Variants in FANCC observed in about 807,000 individuals in gnomAD.
FANCC encodes FA complementation group C, also known as Fanconi anemia group C protein.
A neutral mutation model predicts 71.3 loss-of-function variants in FANCC; 55 were observed. That is an observed-to-expected ratio of 0.77 (90% CI 0.62 to 0.97). The LOEUF is 0.97. FANCC is among the 50% of genes least tolerant of loss of function. The pLI, the probability that FANCC is intolerant of heterozygous loss-of-function variation, is 0.00. For synonymous variants in FANCC, 275 were observed against 244.9 expected (o/e 1.12, Z -1.15); for missense variants, 678 against 670.9 (o/e 1.01, Z -0.12).
intron 1 of FANCC, among the ~76,000 whole-genome samples, chr9:95,310,930 T>C (rs1174621746): frequency 6.6e-6 from 1 of 152,190 alleles, no homozygotes; most frequent in Non-Finnish European, 1.5e-5. Context: ...TCATTATGCA[T>C]AACCACAAAT....
At chr9:95,265,656 G>A (rs553770215) in intron 1 of FANCC, among the ~76,000 whole-genome samples, 7 of 152,294 alleles carry the variant, frequency 4.6e-5, no homozygotes, top group Non-Finnish European at 8.8e-5. Flanking sequence ...GAACACATTA[G>A]TTATTAAAAT....
At chr9:95,117,952 C>A (rs1046660954) in intron 10 of FANCC, among the ~76,000 whole-genome samples, 2 of 151,856 alleles carry the variant, frequency 1.3e-5, no homozygotes, top group African/African-American at 4.8e-5. Flanking sequence ...GAACTCCCGA[C>A]CTCAGGTGAT....
chr9:95,146,540 T>C (rs767716996), intron 7 of FANCC, among the ~76,000 whole-genome samples: 13 of 129,232 alleles, frequency 1.0e-4, no homozygotes, highest in Non-Finnish European at 2.2e-4. Flanking sequence ...ATTAATAAAA[T>C]GATTTAAAAA....
chr9:95,289,687 G>A (rs1259951698), intron 1 of FANCC, among the ~76,000 whole-genome samples: 1 of 152,114 alleles, frequency 6.6e-6, no homozygotes, highest in African/African-American at 2.4e-5. Context: ...GTCTTGCTCT[G>A]TCACCCAGGC....
At chr9:95,208,862 A>G (rs2135858182) in intron 4 of FANCC, among the ~76,000 whole-genome samples, 1 of 152,294 alleles carries the variant, frequency 6.6e-6, no homozygotes, top group African/African-American at 2.4e-5. Flanking sequence ...TACCCTTACC[A>G]TATTCTCCAC....
At chr9:95,245,312 A>G (rs1272274965) in intron 3 of FANCC, among the ~76,000 whole-genome samples, 4 of 152,080 alleles carry the variant, frequency 2.6e-5, no homozygotes, top group African/African-American at 9.7e-5. Context: ...TTCACTATGA[A>G]CAGCATAGTG....
intron 12 of FANCC, among the ~76,000 whole-genome samples, chr9:95,113,208 T>C (rs565338529): frequency 4.6e-5 from 7 of 152,250 alleles, no homozygotes; most frequent in South Asian, 2.1e-4. Flanking sequence ...GTAAGAATCA[T>C]GGTGAGGAAG....
chr9:95,244,700 A>C (rs1830845916), intron 3 of FANCC, among the ~76,000 whole-genome samples: 3 of 149,574 alleles, frequency 2.0e-5, no homozygotes, highest in Non-Finnish European at 4.5e-5. Context: ...AAAAAAAAAA[A>C]AAAAAAAAAA....
In FANCC at chr9:95,126,547, A is replaced by T; in HGVS notation, c.878T>A (p.Val293Asp). The T allele has an allele frequency of 6.2e-7, 1 of 1,614,056 alleles. No homozygotes were observed. The highest frequency in any genetic ancestry group is 1.1e-5 in the South Asian group (1 of 91,080). The change falls in exon 9 of 15, where the codon GTT becomes GAT. Residue 293 changes from valine to aspartate, a missense_variant. Coordinates refer to ENST00000289081, the MANE Select transcript of FANCC (RefSeq NM_000136.3). ...QAACHPAIFR[V>D]VDEMFRCALL... is the part of the protein sequence containing the mutation. ...CGTTTACCTGAACATCTCATCAACA[A>T]CCCGGAATATGGCAGGGTGGCAGGC...
chr9:95,203,176 C>A (rs1827902461), intron 4 of FANCC, among the ~76,000 whole-genome samples: 2 of 152,142 alleles, frequency 1.3e-5, no homozygotes, highest in Admixed American at 1.3e-4. Flanking sequence ...GTGGGCAGAT[C>A]ACTTGAGCTC....
intron 4 of FANCC, among the ~76,000 whole-genome samples, chr9:95,180,431 G>A (rs1056360294): frequency 4.2e-5 from 6 of 144,054 alleles, no homozygotes; most frequent in African/African-American, 7.7e-5. Flanking sequence ...CTTTCAACTC[G>A]TGGGTTCAAG....
At chr9:95,141,643 A>G (rs1281516899) in intron 7 of FANCC, among the ~76,000 whole-genome samples, 3 of 152,208 alleles carry the variant, frequency 2.0e-5, no homozygotes, top group Non-Finnish European at 4.4e-5. Flanking sequence ...GAGGGTATTC[A>G]AAAGAATCTG....
intron 1 of FANCC, among the ~76,000 whole-genome samples, chr9:95,306,545 G>A (rs1445063732): frequency 6.6e-6 from 1 of 152,194 alleles, no homozygotes; most frequent in Non-Finnish European, 1.5e-5. Context: ...ACAGGAGTTA[G>A]TTTCCCTGGG....
At chr9:95,283,668 G>A (rs900758961) in intron 1 of FANCC, among the ~76,000 whole-genome samples, 4 of 152,122 alleles carry the variant, frequency 2.6e-5, no homozygotes, top group African/African-American at 4.8e-5. Flanking sequence ...TTACATGCAA[G>A]CAAATAACTC....
chr9:95,175,461 T>C (rs1422249830), intron 4 of FANCC, among the ~76,000 whole-genome samples: 2 of 152,120 alleles, frequency 1.3e-5, no homozygotes, highest in Non-Finnish European at 2.9e-5. Context: ...TTGTTATTGT[T>C]TTTTCCCTCT....
At position 95,170,937 on chromosome 9, in the gene FANCC, T is replaced by C. The variant is rs56392620; in HGVS notation, c.521+142A>G. ...TTTGAAAAAACTCACCAATTTGCTATGTATTCCACTAAAATAATCTTTCTA... is the reference window on the plus strand; with the variant it reads ...TTTGAAAAAACTCACCAATTTGCTACGTATTCCACTAAAATAATCTTTCTA... On this transcript the variant is annotated intron_variant, in intron 6 of 14. Coordinates refer to ENST00000289081, the MANE Select transcript of FANCC (RefSeq NM_000136.3). The C allele has an allele frequency of 4.7e-4, 326 of 697,006 alleles. No individual in the cohort carries two copies. The African/African-American group carries it at 4.7e-3, about 10-fold the overall frequency. 43.2% of individuals were successfully genotyped at this position (697,006 alleles called of 1,614,324 possible). A position where few individuals can be genotyped will look rare whatever the true frequency, so the allele number is the denominator to read the frequency against.
At chr9:95,185,019 T>G (rs945421887) in intron 4 of FANCC, among the ~76,000 whole-genome samples, 9 of 152,258 alleles carry the variant, frequency 5.9e-5, no homozygotes, top group Non-Finnish European at 1.2e-4. Flanking sequence ...TGATAACTCT[T>G]AAAATCTGAA....
chr9:95,242,961 T>A (rs1830723984), intron 3 of FANCC, among the ~76,000 whole-genome samples: 1 of 152,242 alleles, frequency 6.6e-6, no homozygotes, highest in Non-Finnish European at 1.5e-5. Context: ...CAGCCCATCT[T>A]AGTGTAAATT....
chr9:95,139,106 G>A (rs1245862486), intron 7 of FANCC, among the ~76,000 whole-genome samples: 1 of 152,184 alleles, frequency 6.6e-6, no homozygotes, highest in African/African-American at 2.4e-5. Context: ...CAACATATTT[G>A]TGTTCTACCT....
Sources: gnomAD v4.1 joint callset for allele counts (sites outside exome capture counted in the v4.1 genomes callset) on GRCh38, gnomAD v4.1.1 for gene constraint, MANE v1.5 for transcripts, NCBI Gene and HGNC (gene_info 2026-07-23, HGNC 2026-07-21) for gene names.